Variants in PCDH15 observed in about 807,000 individuals in gnomAD.
PCDH15 encodes protocadherin-15.
A neutral mutation model predicts 178.5 loss-of-function variants in PCDH15; 129 were observed. The observed-to-expected ratio is 0.72, with a 90% CI of 0.63 to 0.84. The LOEUF (loss-of-function observed/expected upper bound fraction) is 0.84. Ranked by LOEUF, PCDH15 falls within the 40% of genes least tolerant of loss-of-function variation. PCDH15 has a pLI of 0.00. For synonymous variants in PCDH15, 800 were observed against 732.0 expected, an observed-to-expected ratio of 1.09 and a Z score of -1.50; for missense variants, 2,230 against 2,099.9, an observed-to-expected ratio of 1.06 and a Z score of -1.21.
At chr10:53,904,209 A>G (rs1830365330) in intron 25 of PCDH15, among the ~76,000 whole-genome samples, 1 of 152,200 alleles carries the variant, frequency 6.6e-6, no homozygotes, top group African/African-American at 2.4e-5. Context: ...TTGTAAAAAA[A>G]TAGTCAAATA....
At chr10:54,449,897 A>G (rs914023553) in intron 3 of PCDH15, among the ~76,000 whole-genome samples, 3 of 151,644 alleles carry the variant, frequency 2.0e-5, no homozygotes, top group African/African-American at 7.3e-5. Flanking sequence ...ACAAACATAC[A>G]TAGAAGCTAC....
chr10:54,942,900 T>C (rs985161158), intron 2 of PCDH15, among the ~76,000 whole-genome samples: 2 of 151,906 alleles, frequency 1.3e-5, no homozygotes, highest in African/African-American at 2.4e-5. Flanking sequence ...AGCTAAAGAG[T>C]GTCATACTTT....
At chr10:54,341,344 T>C (rs1942189883) in intron 6 of PCDH15, among the ~76,000 whole-genome samples, 1 of 152,166 alleles carries the variant, frequency 6.6e-6, no homozygotes, top group Admixed American at 6.5e-5. Flanking sequence ...GATCTGATGG[T>C]TTAAAAGTGG....
intron 2 of PCDH15, among the ~76,000 whole-genome samples, chr10:55,450,424 C>T (rs757650949): frequency 8.5e-5 from 13 of 152,164 alleles, no homozygotes; most frequent in Non-Finnish European, 1.8e-4. Context: ...AGGCTACAGG[C>T]ATCTGCTGAG....
chr10:54,557,535 G>C (rs540827244), intron 2 of PCDH15, among the ~76,000 whole-genome samples: 1 of 152,228 alleles, frequency 6.6e-6, no homozygotes, highest in East Asian at 1.9e-4. Context: ...GTTTTCTCCT[G>C]TCTTTAAATC....
chr10:53,888,303 T>C (rs1302775560), intron 26 of PCDH15, among the ~76,000 whole-genome samples: 1 of 54,386 alleles, frequency 1.8e-5, no homozygotes, highest in Non-Finnish European at 3.6e-5. Flanking sequence ...TATATATATA[T>C]ATATATGTAT....
At chr10:54,786,913 T>C (rs1380262481) in intron 1 of PCDH15, among the ~76,000 whole-genome samples, 2 of 151,798 alleles carry the variant, frequency 1.3e-5, no homozygotes, top group Admixed American at 1.3e-4. Flanking sequence ...CATTGCAATT[T>C]TCTTTGCTAA....
chr10:55,404,660 C>T (rs555540193), intron 2 of PCDH15, among the ~76,000 whole-genome samples: 4 of 151,616 alleles, frequency 2.6e-5, no homozygotes, highest in Admixed American at 6.6e-5. Context: ...AAATATCTGG[C>T]GAATGTCATA....
intron 2 of PCDH15, among the ~76,000 whole-genome samples, chr10:54,555,693 T>C (rs796443509): frequency 2.2e-5 from 3 of 134,408 alleles, no homozygotes; most frequent in African/African-American, 5.7e-5. Flanking sequence ...ACTGAGATCA[T>C]GCCACTGCAC....
intron 3 of PCDH15, among the ~76,000 whole-genome samples, chr10:54,524,199 CT>C (rs1487503747): frequency 3.3e-5 from 5 of 152,152 alleles, no homozygotes; most frequent in Non-Finnish European, 7.4e-5. Context: ...ATGGAGACAA[CT>C]CAGATTTACC....
chr10:53,994,969 G>T (rs2091752897), intron 21 of PCDH15: 1 of 151,506 alleles, frequency 6.6e-6, no homozygotes, highest in Non-Finnish European at 1.5e-5. Flanking sequence ...AAATTTATCA[G>T]CCACCAACTT....
In PCDH15 at chr10:53,855,920, A is replaced by ATATATATATATATATATATGTGTGTG. The variant is rs1201156130; in HGVS notation, c.3806+1254_3806+1255insCACACACATATATATATATATATATA. 2.8e-5 allele frequency among the ~76,000 whole-genome samples: 4 copies of ATATATATATATATATATATGTGTGTG among 140,380 alleles called. 1 individual carries two copies. Among genetic ancestry groups the ATATATATATATATATATATGTGTGTG allele is most frequent in the South Asian group, 4.8e-4 (2 of 4,152 alleles). 92.1% of individuals were successfully genotyped at this position (140,380 alleles called of 152,430 possible). A position where few individuals can be genotyped will look rare whatever the true frequency, so the allele number is the denominator to read the frequency against. ...AGGTGATATGTATATATATATATAT[A>ATATATATATATATATATATGTGTGTG]TGTATGTGTGTGTGTGTAATGAAAT... On this transcript the variant is annotated intron_variant, in intron 28 of 37. Coordinates refer to ENST00000644397, the MANE Select transcript of PCDH15 (RefSeq NM_001384140.1).
intron 13 of PCDH15, among the ~76,000 whole-genome samples, chr10:54,163,781 A>T (rs2133479334): frequency 6.6e-6 from 1 of 152,298 alleles, no homozygotes; most frequent in East Asian, 1.9e-4. Context: ...TTACTCAGGA[A>T]TGATTACAGA....
chr10:55,159,983 A>G (rs1204589682), intron 2 of PCDH15, among the ~76,000 whole-genome samples: 1 of 151,800 alleles, frequency 6.6e-6, no homozygotes, highest in Non-Finnish European at 1.5e-5. Flanking sequence ...TTAAACATTT[A>G]TTTGGACACC....
intron 3 of PCDH15, among the ~76,000 whole-genome samples, chr10:54,834,223 C>A (rs867922355): frequency 2.0e-5 from 3 of 151,222 alleles, no homozygotes; most frequent in African/African-American, 7.3e-5. Flanking sequence ...GGAGTCTCAC[C>A]CTGCTGCCCA....
At chr10:55,072,523 A>G (rs1366742398) in intron 2 of PCDH15, among the ~76,000 whole-genome samples, 2 of 152,150 alleles carry the variant, frequency 1.3e-5, no homozygotes, top group African/African-American at 4.8e-5. Flanking sequence ...TCCTCGACAC[A>G]TACACCCTCC....
chr10:54,006,700 C>T (rs182024560), intron 20 of PCDH15, among the ~76,000 whole-genome samples: 33 of 152,230 alleles, frequency 2.2e-4, no homozygotes, highest in Admixed American at 3.9e-4. Context: ...GAAAAGCTAT[C>T]CTTTTTCTTC....
At chr10:55,370,467 A>G (rs927011995) in intron 2 of PCDH15, among the ~76,000 whole-genome samples, 2 of 151,988 alleles carry the variant, frequency 1.3e-5, no homozygotes, top group African/African-American at 2.4e-5. Context: ...CCTTTTTCTG[A>G]ATTTATAAGA....
At chr10:55,064,114 G>C (rs895216195) in intron 2 of PCDH15, among the ~76,000 whole-genome samples, 1 of 152,062 alleles carries the variant, frequency 6.6e-6, no homozygotes, top group African/African-American at 2.4e-5. Flanking sequence ...GAAAATATTA[G>C]TCACCATAAA....
Sources: gnomAD v4.1 joint callset for allele counts (sites outside exome capture counted in the v4.1 genomes callset) on GRCh38, gnomAD v4.1.1 for gene constraint, MANE v1.5 for transcripts, NCBI Gene and HGNC (gene_info 2026-07-23, HGNC 2026-07-21) for gene names.